Variants in ACOT7 observed in about 807,000 individuals in gnomAD.
ACOT7 encodes acyl-CoA thioesterase 7, also known as cytosolic acyl coenzyme A thioester hydrolase.
Under a neutral mutation model 40.2 loss-of-function variants are expected in ACOT7, and 12 were observed. The observed-to-expected ratio is 0.30, with a 90% CI of 0.19 to 0.48. The LOEUF (loss-of-function observed/expected upper bound fraction) is 0.48. Among genes scored for constraint, ACOT7 ranks in the 20% least tolerant of loss-of-function variants. The pLI is 0.99. For synonymous variants in ACOT7, 228 were observed against 219.5 expected, an observed-to-expected ratio of 1.04 and a Z score of -0.34; for missense variants, 395 against 530.8, an observed-to-expected ratio of 0.74 and a Z score of 2.51.
chr1:6,336,889 G>A (rs1050204322), intron 3 of ACOT7, among the ~76,000 whole-genome samples: 2 of 152,200 alleles, frequency 1.3e-5, no homozygotes, highest in Non-Finnish European at 2.9e-5. Flanking sequence ...CGAGACAGAG[G>A]GGGAGATGAG....
At chr1:6,328,432 G>A (rs1201058389) in intron 4 of ACOT7, among the ~76,000 whole-genome samples, 3 of 151,992 alleles carry the variant, frequency 2.0e-5, no homozygotes, top group Non-Finnish European at 1.5e-5. Flanking sequence ...AGGCTGAGGC[G>A]GGTGGATCAC....
At chr1:6,332,631 T>C (rs151314598) in intron 4 of ACOT7, among the ~76,000 whole-genome samples, 4,079 of 152,102 alleles carry the variant, frequency 0.027, 193 homozygotes, top group African/African-American at 0.093. Flanking sequence ...CTGGCTAACA[T>C]GGAGAAATCC....
At position 6,330,223 on chromosome 1, in the gene ACOT7, G is replaced by C. The variant is rs536759225; in HGVS notation, c.511-2810C>G. 3.7e-4 allele frequency among the ~76,000 whole-genome samples: 56 copies of C among 152,322 alleles called. No homozygotes were observed. The highest frequency in any genetic ancestry group is 1.3e-3 in the African/African-American group (56 of 41,558). ...TGGCTGTCTGTAGAAAGGTCAGCGG[G>C]AGCATGCTCATGCAATATAAGACAG... is the stretch of plus-strand genomic sequence containing the variant. On this transcript the variant is annotated intron_variant, in intron 4 of 8. Transcript: ENST00000361521. This position sits in a 1 kb window ranked among gnomAD's most constrained non-coding sequence, Gnocchi z 4.6.
At chr1:6,342,871 C>T (rs1025184384) in intron 2 of ACOT7, among the ~76,000 whole-genome samples, 3 of 152,230 alleles carry the variant, frequency 2.0e-5, no homozygotes, top group African/African-American at 4.8e-5. Flanking sequence ...TGCCACCTCA[C>T]GGCATCCTGA....
At chr1:6,364,711 G>C (rs147595198) in intron 1 of ACOT7, among the ~76,000 whole-genome samples, 1,566 of 150,840 alleles carry the variant, frequency 0.01, 34 homozygotes, top group African/African-American at 0.036. Flanking sequence ...AGTTGGGCGT[G>C]GTTGCGCTCA....
Position 6,333,404 on chromosome 1 carries a change from C to T in ACOT7, c.510+73G>A, listed in dbSNP as rs188254469. On this transcript the variant is annotated intron_variant, in intron 4 of 8. Coordinates refer to ENST00000361521, the MANE Select transcript of ACOT7 (RefSeq NM_007274.4). ...CCCTTGAGACCCTTAGCTGAACGAG[C>T]CTCCCAACATCAGGTGAGGTGACCT... The T allele has an allele frequency of 1.3e-5, 20 of 1,548,726 alleles. No homozygotes were observed. In the East Asian group the frequency reaches 1.4e-4, roughly 10 times the overall value.
At position 6,349,832 on chromosome 1, in the gene ACOT7, T is replaced by G; in HGVS notation, c.178A>C (p.Asn60His). Reference sequence around the variant, plus strand: ...TTCAGGATGGTCCCCCCGTGGACATTGCCGGCCACGTTGGCATCATCTGGC... The same window carrying G: ...TTCAGGATGGTCCCCCCGTGGACATGGCCGGCCACGTTGGCATCATCTGGC... ...MRPDDANVAG[N>H]VHGGTILKMI... Residue 60 changes from asparagine to histidine, a missense_variant, in exon 2 of 9, where the codon AAT becomes CAT. Asn to His is a moderately conservative substitution (Grantham distance 68). Coordinates refer to ENST00000361521, the MANE Select transcript of ACOT7 (RefSeq NM_007274.4). 2.5e-6 allele frequency: 4 copies of G among 1,614,152 alleles called. No homozygotes were observed. Among genetic ancestry groups the G allele is most frequent in the Non-Finnish European group, 3.4e-6 (4 of 1,180,022 alleles).
rs975205521 is a variant in ACOT7, at chr1:6,297,682, G to A, written c.713-2702C>T. Among the ~76,000 whole-genome samples the A allele has an allele frequency of 5.9e-5, 9 of 152,326 alleles. No individual in the cohort carries two copies. The East Asian group carries it at 1.3e-3, about 23-fold the overall frequency. On this transcript the variant is annotated intron_variant, in intron 6 of 8. Coordinates refer to ENST00000361521, the MANE Select transcript of ACOT7 (RefSeq NM_007274.4). Reference sequence around the variant, plus strand: ...TGTGAACAGTGATTGGGTATTCGACGATACTAAGGACTTATAAGTGTGTTT... The same window carrying A: ...TGTGAACAGTGATTGGGTATTCGACAATACTAAGGACTTATAAGTGTGTTT...
intron 2 of ACOT7, among the ~76,000 whole-genome samples, chr1:6,349,336 C>T (rs927113558): frequency 6.6e-6 from 1 of 152,216 alleles, no homozygotes; most frequent in African/African-American, 2.4e-5. Context: ...GGTGCCATGG[C>T]CACCAGGGTT....
At chr1:6,316,205 A>T (rs1430305187) in intron 6 of ACOT7, among the ~76,000 whole-genome samples, 1 of 152,222 alleles carries the variant, frequency 6.6e-6, no homozygotes, top group Non-Finnish European at 1.5e-5. Context: ...AAGTGGCAGA[A>T]GCCTGGGCTT....
rs34990815 is a variant in ACOT7, at chr1:6,275,716, C to CAAA, written c.1014+5383_1014+5385dup. Among the ~76,000 whole-genome samples, 31 of 55,442 alleles carry CAAA rather than the reference C, an allele frequency of 5.6e-4. 1 individual carries two copies. The highest frequency in any genetic ancestry group is 7.2e-4 in the East Asian group (1 of 1,392). 36.4% of individuals were successfully genotyped at this position (55,442 alleles called of 152,430 possible). A position where few individuals can be genotyped will look rare whatever the true frequency, so the allele number is the denominator to read the frequency against. On this transcript the variant is annotated intron_variant, in intron 8 of 8. Transcript: ENST00000361521. The surrounding 1 kb of genome is among the most constrained non-coding windows in gnomAD (Gnocchi z 5.6). ...TGGGCGACAGAGTGAGGCTCCGTCT[C>CAAA]AAAAAAAAAAAAAAAAAAAAAAAAA...
chr1:6,320,799 C>T (rs1463651273), intron 5 of ACOT7, among the ~76,000 whole-genome samples: 2 of 152,216 alleles, frequency 1.3e-5, no homozygotes, highest in African/African-American at 4.8e-5. Context: ...CCCTCAAGGA[C>T]GACCACCTGA....
intron 1 of ACOT7, among the ~76,000 whole-genome samples, chr1:6,390,115 G>A (rs1011237670): frequency 2.0e-5 from 3 of 152,106 alleles, no homozygotes; most frequent in Non-Finnish European, 2.9e-5. Flanking sequence ...GAGTCAAGCC[G>A]ATGGAACCAC....
chr1:6,268,569 C>A (rs887822356), intron 8 of ACOT7, among the ~76,000 whole-genome samples: 1 of 152,136 alleles, frequency 6.6e-6, no homozygotes, highest in African/African-American at 2.4e-5. Context: ...TGTGCACAGG[C>A]GCGATTTTCC....
intron 7 of ACOT7, among the ~76,000 whole-genome samples, chr1:6,283,996 GA>G (rs1386899480): frequency 6.6e-6 from 1 of 151,836 alleles, no homozygotes; most frequent in Admixed American, 6.6e-5. Flanking sequence ...CCCTGTCTCA[GA>G]AAAAAAGAAA....
At position 6,359,352 on chromosome 1, in the gene ACOT7, G is replaced by C. The variant is rs1042112109; in HGVS notation, c.144-9486C>G. 2.1e-4 allele frequency: 33 copies of C among 154,276 alleles called. No homozygotes were observed. The highest frequency in any genetic ancestry group is 8.0e-4 in the African/African-American group (33 of 41,480). 9.6% of individuals were successfully genotyped at this position (154,276 alleles called of 1,614,324 possible). ...GGTCCAAGCCTGCATCCTGCTGATG[G>C]AGCTGGCATCTAAAGCCTGTCCCAA... On this transcript the variant is annotated intron_variant, in intron 1 of 8. Transcript: ENST00000361521. This position sits in a 1 kb window ranked among gnomAD's most constrained non-coding sequence, Gnocchi z 4.1.
rs145942677 is a variant in ACOT7 at position 6,274,156 on chromosome 1, C to G, written c.1014+6946G>C. Among the ~76,000 whole-genome samples, 1 of 152,308 alleles carries G rather than the reference C, an allele frequency of 6.6e-6. No homozygotes were observed. The highest frequency in any genetic ancestry group is 6.5e-5 in the Admixed American group (1 of 15,302). ...GAGCAGCAGGCACCATCATGGAAAG[C>G]TTGCCCCATGCTTCCTCCTAAGTGC... On this transcript the variant is annotated intron_variant, in intron 8 of 8. Transcript: ENST00000361521. This position sits in a 1 kb window ranked among gnomAD's most constrained non-coding sequence, Gnocchi z 5.9.
intron 4 of ACOT7, 45 bp downstream of exon 4, chr1:6,333,432 T>C (rs778059135): frequency 1.2e-6 from 2 of 1,604,936 alleles, no homozygotes; most frequent in Non-Finnish European, 8.5e-7. Context: ...GGTGACCTGA[T>C]CTCTGCCATC....
At chr1:6,350,595 G>A (rs1641563838) in intron 1 of ACOT7, among the ~76,000 whole-genome samples, 1 of 152,258 alleles carries the variant, frequency 6.6e-6, no homozygotes, top group Non-Finnish European at 1.5e-5. Context: ...TCCTGCCAGG[G>A]CAAGTTGCCT....
Sources: gnomAD v4.1 joint callset for allele counts (sites outside exome capture counted in the v4.1 genomes callset) on GRCh38, gnomAD v4.1.1 for gene constraint, Gnocchi (gnomAD v3.1) non-coding constraint, MANE v1.5 for transcripts, NCBI Gene and HGNC (gene_info 2026-07-23, HGNC 2026-07-21) for gene names.